ATXN2: variants seen among roughly 807,000 people sequenced by gnomAD.
ATXN2 encodes ataxin-2.
In ATXN2, 37 loss-of-function variants were observed where a neutral mutation model predicts 138.6. That is an observed-to-expected ratio of 0.27 (90% CI 0.21 to 0.35). The LOEUF (loss-of-function observed/expected upper bound fraction) is 0.35. ATXN2 is among the 10% of genes least tolerant of loss of function. The pLI, the probability that ATXN2 is intolerant of heterozygous loss-of-function variation, is 1.00. For missense variants in ATXN2, 1,216 were observed against 1,480.3 expected (o/e 0.82, Z 2.93); for synonymous variants, 549 against 543.7 (o/e 1.01, Z -0.13).
intron 5 of ATXN2, among the ~76,000 whole-genome samples, chr12:111,548,589 A>T (rs1326121323): frequency 6.6e-6 from 1 of 152,236 alleles, no homozygotes; most frequent in East Asian, 1.9e-4. Context: ...TCATATTAGT[A>T]TACTCTAATC....
At chr12:111,578,082 A>T (rs1459305985) in intron 1 of ATXN2, among the ~76,000 whole-genome samples, 1 of 152,148 alleles carries the variant, frequency 6.6e-6, no homozygotes, top group Non-Finnish European at 1.5e-5. Flanking sequence ...CTGTAATCCC[A>T]GCTATTCAGG....
intron 18 of ATXN2, among the ~76,000 whole-genome samples, chr12:111,474,841 T>C (rs1015253943): frequency 8.9e-4 from 136 of 152,104 alleles, no homozygotes; most frequent in Non-Finnish European, 8.8e-5. Flanking sequence ...CCCAGCACTT[T>C]GGGAGGCCGA....
At chr12:111,539,400 G>A (rs192859776) in intron 5 of ATXN2, among the ~76,000 whole-genome samples, 21 of 150,114 alleles carry the variant, frequency 1.4e-4, no homozygotes, top group Middle Eastern at 3.4e-3. Context: ...TCCAATCATC[G>A]TTTGAGCACT....
intron 1 of ATXN2, among the ~76,000 whole-genome samples, chr12:111,561,346 T>C (rs1235192705): frequency 2.0e-5 from 3 of 150,650 alleles, no homozygotes; most frequent in East Asian, 3.9e-4. Flanking sequence ...TACAAAAAAT[T>C]AGCCAGGCAT....
rs538038973 is a variant in ATXN2, at chr12:111,452,689, C to T, written c.*123G>A. ...CTGTTAGCATTCCTATTGGATGTTA[C>T]AAGAAATCAACATATATATTTTAAA... On this transcript the variant is annotated 3_prime_UTR_variant, in exon 25 of 25. Transcript: ENST00000673436. The T allele has an allele frequency of 2.3e-5, 26 of 1,148,308 alleles. No homozygotes were observed. Among genetic ancestry groups the T allele is most frequent in the Non-Finnish European group, 3.1e-5 (24 of 769,538 alleles). The allele number at this position is 1,148,308 out of a possible 1,614,324, so 71.1% of individuals were successfully genotyped here. A position where few individuals can be genotyped will look rare whatever the true frequency, so the allele number is the denominator to read the frequency against.
In ATXN2 at chr12:111,580,873, G is replaced by C. The variant is rs186845567; in HGVS notation, c.251+17911C>G. 6.8e-3 allele frequency among the ~76,000 whole-genome samples: 1,042 copies of C among 152,234 alleles called. 5 individuals carry two copies. The highest frequency in any genetic ancestry group is 0.01 in the Non-Finnish European group (712 of 68,014). ...CGACAAAGAAAGGCCAGGCATGGTG[G>C]CTCATGCCTATAATCCCAGCACTGG... is the stretch of plus-strand genomic sequence containing the variant. On this transcript the variant is annotated intron_variant, in intron 1 of 24. Coordinates refer to ENST00000673436, the MANE Select transcript of ATXN2 (RefSeq NM_001372574.1).
chr12:111,465,550 T>C (rs1199680854), intron 20 of ATXN2, among the ~76,000 whole-genome samples: 4 of 151,220 alleles, frequency 2.6e-5, no homozygotes, highest in Non-Finnish European at 5.9e-5. Flanking sequence ...GGCAGACAAA[T>C]CACAAGGTCA....
intron 1 of ATXN2, among the ~76,000 whole-genome samples, chr12:111,583,586 C>T (rs1884136100): frequency 1.3e-5 from 2 of 151,392 alleles, no homozygotes; most frequent in East Asian, 2.0e-4. Context: ...AACAACATGG[C>T]GAAAACCCCG....
rs555686513 is a variant in ATXN2 at position 111,467,679 on chromosome 12, A to C, written c.2842+2429T>G. ...TAGTTCATTCCAGATTTCACTGGACATTAGATCTAGTGCTTTGTTTTGTTT... is the reference window on the plus strand; with the variant it reads ...TAGTTCATTCCAGATTTCACTGGACCTTAGATCTAGTGCTTTGTTTTGTTT... On this transcript the variant is annotated intron_variant, in intron 20 of 24. Transcript: ENST00000673436. 2.6e-5 allele frequency among the ~76,000 whole-genome samples: 4 copies of C among 152,300 alleles called. No homozygotes were observed. The South Asian group carries it at 8.3e-4, about 32-fold the overall frequency.
At chr12:111,562,006 T>A (rs1882716086) in intron 1 of ATXN2, among the ~76,000 whole-genome samples, 1 of 151,674 alleles carries the variant, frequency 6.6e-6, no homozygotes, top group Admixed American at 6.6e-5. Flanking sequence ...AGAGACAGGG[T>A]TTCACCATGT....
chr12:111,476,448 A>T (rs973260610), intron 18 of ATXN2, among the ~76,000 whole-genome samples: 4 of 151,900 alleles, frequency 2.6e-5, no homozygotes, highest in African/African-American at 7.2e-5. Flanking sequence ...GTAATGCACC[A>T]GTACAATAAG....
chr12:111,583,212 C>G (rs548142064), intron 1 of ATXN2, among the ~76,000 whole-genome samples: 1 of 149,786 alleles, frequency 6.7e-6, no homozygotes, highest in Non-Finnish European at 1.5e-5. Flanking sequence ...AGGTTGGTCT[C>G]GATCTCCTGA....
chr12:111,480,648 C>T (rs1419520205), intron 18 of ATXN2, among the ~76,000 whole-genome samples: 2 of 152,084 alleles, frequency 1.3e-5, no homozygotes, highest in African/African-American at 4.8e-5. Flanking sequence ...TCCATCAGAG[C>T]GACACTCCAT....
chr12:111,529,146 C>T (rs1273625775), intron 5 of ATXN2, among the ~76,000 whole-genome samples: 3 of 151,698 alleles, frequency 2.0e-5, no homozygotes, highest in African/African-American at 7.3e-5. Context: ...AAAAAAAACA[C>T]TGTTGGTAGT....
intron 17 of ATXN2, 28 bp downstream of exon 17, chr12:111,485,685 T>A: frequency 6.2e-7 from 1 of 1,612,372 alleles, no homozygotes; most frequent in Non-Finnish European, 8.5e-7. Flanking sequence ...TTGGGGAGGC[T>A]AAGTGAACAT....
chr12:111,453,805 G>T lies in ATXN2; in HGVS notation c.3311C>A (p.Ala1104Asp). 1 of 1,614,022 alleles carries T rather than the reference G, an allele frequency of 6.2e-7. No homozygotes were observed. Reference protein sequence around the residue: ...QSGMVPSHPTAHAPMMLMTTQ... With the variant: ...QSGMVPSHPTDHAPMMLMTTQ... ...CGTCATTAGCATCATTGGCGCATGG[G>T]CAGTTGGATGAGAAGGAACCATTCC... Residue 1104 changes from alanine (A) to aspartate (D), a missense_variant, in exon 24 of 25, where the codon GCC becomes GAC. Physicochemically the swap from Ala to Asp is moderately radical, Grantham distance 126 (BLOSUM62 -2). Around this residue, in one of 4 missense-constraint regions of ATXN2, gnomAD observed 490 missense variants for 653.5 expected, o/e 0.75. Transcript: ENST00000673436. This position sits in a 1 kb window ranked among gnomAD's most constrained non-coding sequence, Gnocchi z 5.4.
At chr12:111,513,160 GTGTC>G (rs1373537871) in intron 11 of ATXN2, 193 bp downstream of exon 11, 3 of 564,634 alleles carry the variant, frequency 5.3e-6, no homozygotes, top group Non-Finnish European at 8.9e-6. Context: ...TTCAGAATGA[GTGTC>G]TGACTTGCTT....
intron 10 of ATXN2, 112 bp from the exon 11 acceptor site, chr12:111,513,651 G>A (rs1879682479): frequency 2.7e-6 from 2 of 749,302 alleles, no homozygotes; most frequent in Non-Finnish European, 3.7e-6. Flanking sequence ...TCACTCTACA[G>A]TTTTTCCTTG....
rs140571351 is a variant in ATXN2, at chr12:111,499,266, C to T, written c.1935+10283G>A. ...ATCAACAAAGTGAAGAGACAGCCCA[C>T]AGAATGGGAGAAAATATTTGCAAAC... On this transcript the variant is annotated intron_variant, in intron 14 of 24. Transcript: ENST00000673436. 0.011 allele frequency among the ~76,000 whole-genome samples: 1,614 copies of T among 152,232 alleles called. 92 individuals carry two copies. The South Asian group carries it at 0.15, about 14-fold the overall frequency.
Sources: allele counts gnomAD v4.1 joint callset (sites outside exome capture counted in the v4.1 genomes callset), GRCh38; gene constraint gnomAD v4.1.1; regional missense constraint gnomAD v4.1.1; non-coding constraint Gnocchi (gnomAD v3.1); transcripts MANE v1.5; gene names NCBI Gene and HGNC (gene_info 2026-07-23, HGNC 2026-07-21).